Variants in FREM3 observed in about 807,000 individuals in gnomAD.
The protein encoded by FREM3 is FRAS1 related extracellular matrix 3.
FREM3 carries 105 observed loss-of-function variants against 129.1 expected under a neutral mutation model. The ratio of observed to expected loss-of-function variants is 0.81; its 90% CI spans 0.69 to 0.96. FREM3 has a LOEUF of 0.96. Ranked by LOEUF, FREM3 falls within the 40% of genes least tolerant of loss-of-function variation. The pLI is 0.00. For synonymous variants in FREM3, 1,014 were observed against 1,044.9 expected (o/e 0.97, Z 0.57); for missense variants, 2,593 against 2,666.3 (o/e 0.97, Z 0.61).
intron 2 of FREM3, among the ~76,000 whole-genome samples, chr4:143,681,064 ATC>A (rs910739364): frequency 2.0e-4 from 31 of 152,244 alleles, no homozygotes; most frequent in African/African-American, 7.0e-4. Flanking sequence ...AAATTGAACA[ATC>A]TGTTTCTAGT....
At chr4:143,602,746 C>T (rs1463850325) in intron 6 of FREM3, among the ~76,000 whole-genome samples, 1 of 152,152 alleles carries the variant, frequency 6.6e-6, no homozygotes, top group South Asian at 2.1e-4. Flanking sequence ...AGCATGGTTA[C>T]ATCTGCAGCA....
At chr4:143,677,801 A>G (rs1051468179) in intron 2 of FREM3, among the ~76,000 whole-genome samples, 2 of 152,212 alleles carry the variant, frequency 1.3e-5, no homozygotes, top group African/African-American at 4.8e-5. Flanking sequence ...GCTCATCATC[A>G]CTGGCCATCA....
In FREM3 at chr4:143,693,218, C is replaced by A; in HGVS notation, c.5186-16G>T. 2 of 1,396,000 alleles carry A rather than the reference C, an allele frequency of 1.4e-6. No individual in the cohort carries two copies. Among genetic ancestry groups the A allele is most frequent in the South Asian group, 1.4e-5 (1 of 72,110 alleles). The allele number at this position is 1,396,000 out of a possible 1,614,324, so 86.5% of individuals were successfully genotyped here. A position where few individuals can be genotyped will look rare whatever the true frequency, so the allele number is the denominator to read the frequency against. ...TCAATGTCAGCTAAAAAAAAAGCAACCATCACACAAAGTCATATTGGCACA... is the reference window on the plus strand; with the variant it reads ...TCAATGTCAGCTAAAAAAAAAGCAAACATCACACAAAGTCATATTGGCACA... On this transcript the variant is annotated splice_polypyrimidine_tract_variant and intron_variant, in intron 1 of 7. Transcript: ENST00000329798.
At chr4:143,689,824 C>G (rs1279109702) in intron 2 of FREM3, among the ~76,000 whole-genome samples, 1 of 148,920 alleles carries the variant, frequency 6.7e-6, no homozygotes, top group African/African-American at 2.5e-5. Flanking sequence ...TATGTGAGAG[C>G]TAAGATATGA....
intron 7 of FREM3, among the ~76,000 whole-genome samples, chr4:143,581,721 C>T (rs2149832690): frequency 6.6e-6 from 1 of 152,302 alleles, no homozygotes; most frequent in South Asian, 2.1e-4. Context: ...CCCCAACCCC[C>T]TGCTCTTCAC....
At chr4:143,656,694 T>A (rs376327915) in intron 2 of FREM3, among the ~76,000 whole-genome samples, 1 of 152,156 alleles carries the variant, frequency 6.6e-6, no homozygotes, top group East Asian at 1.9e-4. Context: ...CTGTATGAAA[T>A]TTATTTTTGG....
chr4:143,668,978 T>C (rs550403535), intron 2 of FREM3, among the ~76,000 whole-genome samples: 1 of 152,244 alleles, frequency 6.6e-6, no homozygotes, highest in South Asian at 2.1e-4. Flanking sequence ...AATACTGTCT[T>C]CAGTTCAGCA....
intron 3 of FREM3, among the ~76,000 whole-genome samples, chr4:143,625,073 AAACAACAACAACAACATC>A (rs1255609634): frequency 6.6e-6 from 1 of 152,160 alleles, no homozygotes; most frequent in African/African-American, 2.4e-5. Flanking sequence ...TGAAGATACG[AAACAACAACAACAACATC>A]AACAACAACA....
intron 6 of FREM3, among the ~76,000 whole-genome samples, chr4:143,609,489 A>T (rs1383139220): frequency 6.6e-6 from 1 of 151,188 alleles, no homozygotes; most frequent in African/African-American, 2.4e-5. Flanking sequence ...GTAAAAAAAA[A>T]GTCTCCACTT....
Position 143,697,114 on chromosome 4 carries a change from G to C in FREM3, c.3562C>G (p.Pro1188Ala). The change falls in exon 1 of 8, where the codon CCC (proline) becomes GCC (alanine). Residue 1188 changes from proline (P) to alanine (A), a missense_variant. By Grantham distance (27) the Pro-to-Ala change is conservative (BLOSUM62 -1). This residue lies in a region of FREM3 where 2,276 missense variants were observed against 2,267.2 expected (regional missense o/e 1.00). Transcript: ENST00000329798. ...PNVFFPIIIL[P>A]TNDEQPKLFA... ...AGTTTAGGCTGCTCATCATTGGTGG[G>C]TAGGATGATTATAGGGAAGAAGACA... 6.5e-7 allele frequency: 1 copy of C among 1,537,860 alleles called. No homozygotes were observed. The highest frequency in any genetic ancestry group is 1.4e-5 in the African/African-American group (1 of 73,162).
At chr4:143,578,170 A>G (rs1738072717) in intron 7 of FREM3, among the ~76,000 whole-genome samples, 2 of 152,244 alleles carry the variant, frequency 1.3e-5, no homozygotes, top group African/African-American at 4.8e-5. Context: ...TCAATTTGAA[A>G]TGAAAGGATT....
Position 143,698,116 on chromosome 4 carries a change from C to T in FREM3, c.2560G>A (p.Val854Ile), listed in dbSNP as rs1260666502. The T allele has an allele frequency of 1.3e-6, 2 of 1,537,334 alleles. No individual in the cohort carries two copies. The highest frequency in any genetic ancestry group is 2.0e-5 in the Admixed American group (1 of 50,994). Reference sequence around the variant, plus strand: ...TCAATGTCTGTGTCTGGGTCTGTAACATGCAGCTCATTACTGCTGAGGTTA... The same window carrying T: ...TCAATGTCTGTGTCTGGGTCTGTAATATGCAGCTCATTACTGCTGAGGTTA... ...SFNLSSNELH[V>I]TDPDTDIDQI... The change falls in exon 1 of 8, where the codon GTT becomes ATT. Residue 854 changes from valine (V) to isoleucine (I), a missense_variant. Coordinates refer to ENST00000329798, the MANE Select transcript of FREM3 (RefSeq NM_001168235.2).
Position 143,698,961 on chromosome 4 carries a change from A to T in FREM3, c.1715T>A (p.Ile572Asn). ...ISPFVLSATD[I>N]DSEDSTIHFV... The stretch of plus-strand genomic sequence containing the variant: ...GTGGATGGTTGAGTCCTCAGAGTCA[A>T]TATCAGTAGCACTCAGTACAAAGGG... Residue 572 changes from isoleucine to asparagine, a missense_variant, in exon 1 of 8, where the codon ATT becomes AAT. Ile to Asn is a moderately radical substitution (Grantham distance 149). This residue lies in a region of FREM3 where 2,276 missense variants were observed against 2,267.2 expected (regional missense o/e 1.00). Transcript: ENST00000329798. The T allele has an allele frequency of 6.5e-7, 1 of 1,537,256 alleles. No homozygotes were observed.
At position 143,585,880 on chromosome 4, in the gene FREM3, C is replaced by A; in HGVS notation, c.6142G>T (p.Val2048Leu). The change falls in exon 7 of 8, where the codon GTG (valine) becomes TTG (leucine). Residue 2048 changes from valine to leucine, a missense_variant. Coordinates refer to ENST00000329798, the MANE Select transcript of FREM3 (RefSeq NM_001168235.2). This position sits in a 1 kb window ranked among gnomAD's most constrained non-coding sequence, Gnocchi z 4.2. Reference sequence around the variant, plus strand: ...TCCTGCTCTGACTTTCTGGAGCGCACGGCGATGGATGATGGTTGGGAAAGA... The same window carrying A: ...TCCTGCTCTGACTTTCTGGAGCGCAAGGCGATGGATGATGGTTGGGAAAGA... ...TDLSQPSSIA[V>L]RSRKSEQESA... The A allele has an allele frequency of 1.3e-6, 2 of 1,537,254 alleles. No individual in the cohort carries two copies. Among genetic ancestry groups the A allele is most frequent in the Non-Finnish European group, 1.7e-6 (2 of 1,146,926 alleles).
At chr4:143,660,079 T>G (rs1322337591) in intron 2 of FREM3, among the ~76,000 whole-genome samples, 63 of 149,664 alleles carry the variant, frequency 4.2e-4, no homozygotes, top group African/African-American at 1.4e-3. Flanking sequence ...AGAAGCTCTT[T>G]AGTTTAATTA....
At chr4:143,678,960 C>A (rs1199804331) in intron 2 of FREM3, among the ~76,000 whole-genome samples, 1 of 152,010 alleles carries the variant, frequency 6.6e-6, no homozygotes, top group Non-Finnish European at 1.5e-5. Context: ...AAAAAGGATG[C>A]ACATATACAT....
intron 6 of FREM3, 21 bp downstream of exon 6, chr4:143,611,258 G>T: frequency 1.3e-6 from 2 of 1,524,270 alleles, no homozygotes; most frequent in Non-Finnish European, 1.8e-6. Context: ...CCAAAGGTTG[G>T]AAAGCAACAA....
At chr4:143,670,150 A>G (rs992752806) in intron 2 of FREM3, among the ~76,000 whole-genome samples, 18 of 152,346 alleles carry the variant, frequency 1.2e-4, no homozygotes, top group African/African-American at 3.8e-4. Context: ...AGAGGATAAT[A>G]TCTATCTCCT....
chr4:143,589,204 G>C (rs1277325406), intron 6 of FREM3, among the ~76,000 whole-genome samples: 3 of 152,174 alleles, frequency 2.0e-5, no homozygotes, highest in Non-Finnish European at 4.4e-5. Flanking sequence ...TGTTCACTCT[G>C]ATGGTGGTTT....
Sources: gnomAD v4.1 joint callset for allele counts (sites outside exome capture counted in the v4.1 genomes callset) on GRCh38, gnomAD v4.1.1 for gene constraint, gnomAD v4.1.1 regional missense constraint, Gnocchi (gnomAD v3.1) non-coding constraint, MANE v1.5 for transcripts, NCBI Gene and HGNC (gene_info 2026-07-23, HGNC 2026-07-21) for gene names.